PCDH15: variants seen among roughly 807,000 people sequenced by gnomAD.
PCDH15 encodes protocadherin-15.
In PCDH15, 129 loss-of-function variants were observed where a neutral mutation model predicts 178.5. The observed-to-expected ratio is 0.72, with a 90% confidence interval of 0.63 to 0.84. The LOEUF (loss-of-function observed/expected upper bound fraction) is 0.84, where lower values mean the gene tolerates loss of function less well. Among genes scored for constraint, PCDH15 ranks in the 40% least tolerant of loss-of-function variants. The probability of loss-of-function intolerance (pLI) is 0.00; values close to 1 mark genes in which losing one functional copy is unlikely to be tolerated. For missense variants in PCDH15, 2,230 were observed against 2,099.9 expected (o/e 1.06, Z -1.21); for synonymous variants, 800 against 732.0 (o/e 1.09, Z -1.50).
At chr10:54,363,225 C>T (rs191087645) in intron 5 of PCDH15, among the ~76,000 whole-genome samples, 101 of 152,204 alleles carry the variant, frequency 6.6e-4, no homozygotes, top group Middle Eastern at 3.4e-3. Flanking sequence ...AAAGCAAATA[C>T]ATATGCAGTA....
intron 16 of PCDH15, among the ~76,000 whole-genome samples, chr10:54,081,692 G>T (rs548497038): frequency 6.6e-6 from 1 of 152,134 alleles, no homozygotes; most frequent in African/African-American, 2.4e-5. Flanking sequence ...ATCAGGCCAG[G>T]ATACATTGGG....
intron 6 of PCDH15, among the ~76,000 whole-genome samples, chr10:54,345,163 A>G (rs1943036816): frequency 6.6e-6 from 1 of 151,870 alleles, no homozygotes; most frequent in Non-Finnish European, 1.5e-5. Context: ...CAGAGATAAT[A>G]CTACTTTTAA....
At chr10:55,020,889 T>C (rs1471088741) in intron 2 of PCDH15, among the ~76,000 whole-genome samples, 2 of 152,158 alleles carry the variant, frequency 1.3e-5, no homozygotes, top group Admixed American at 6.5e-5. Flanking sequence ...CAAATGCATA[T>C]CTGACTGTAC....
At chr10:55,183,464 G>T (rs939725737) in intron 1 of PCDH15, among the ~76,000 whole-genome samples, 2 of 151,794 alleles carry the variant, frequency 1.3e-5, no homozygotes, top group Non-Finnish European at 2.9e-5. Context: ...CCCAAAATAA[G>T]CTGGTTTTCA....
At chr10:55,135,504 C>G (rs1316941350) in intron 2 of PCDH15, among the ~76,000 whole-genome samples, 1 of 151,612 alleles carries the variant, frequency 6.6e-6, no homozygotes. Flanking sequence ...ATTTTCAGAC[C>G]TGTTTGGGAG....
At chr10:55,607,084 A>G (rs955848841) in intron 2 of PCDH15, among the ~76,000 whole-genome samples, 8 of 152,206 alleles carry the variant, frequency 5.3e-5, no homozygotes, top group South Asian at 2.1e-4. Context: ...AAAAGTGGGC[A>G]AAGGATATGA....
At chr10:54,864,718 A>C (rs973249184) in intron 3 of PCDH15, 1 of 152,176 alleles carries the variant, frequency 6.6e-6, no homozygotes, top group Non-Finnish European at 1.5e-5. Context: ...ACTCATTCAA[A>C]TGATTGGTCT....
intron 8 of PCDH15, among the ~76,000 whole-genome samples, chr10:54,251,514 C>A (rs1390468411): frequency 2.0e-5 from 3 of 152,174 alleles, no homozygotes. Flanking sequence ...GAAGATTTTT[C>A]AAACATGTAA....
At chr10:53,991,864 C>T (rs982701865) in intron 21 of PCDH15, among the ~76,000 whole-genome samples, 3 of 151,700 alleles carry the variant, frequency 2.0e-5, no homozygotes, top group African/African-American at 7.3e-5. Context: ...ATGGACCAAT[C>T]AGCTCTCTGT....
At chr10:54,791,631 A>G (rs1054047913) in intron 1 of PCDH15, among the ~76,000 whole-genome samples, 3 of 151,944 alleles carry the variant, frequency 2.0e-5, no homozygotes, top group Non-Finnish European at 2.9e-5. Context: ...AGCTCATGCT[A>G]ATCTTCCCAT....
chr10:54,335,260 T>C (rs1020616591), intron 6 of PCDH15, among the ~76,000 whole-genome samples: 29 of 152,192 alleles, frequency 1.9e-4, no homozygotes, highest in Non-Finnish European at 5.9e-5. Context: ...TGTTAAAACA[T>C]GTCCCTGGCT....
chr10:54,753,753 C>G (rs1946649203), intron 1 of PCDH15, among the ~76,000 whole-genome samples: 1 of 152,080 alleles, frequency 6.6e-6, no homozygotes, highest in African/African-American at 2.4e-5. Context: ...CCCCTGGTAG[C>G]ACCTTCCTGA....
At chr10:54,830,669 G>T (rs1015810165) in intron 3 of PCDH15, among the ~76,000 whole-genome samples, 1 of 151,136 alleles carries the variant, frequency 6.6e-6, no homozygotes, top group South Asian at 2.1e-4. Context: ...CAACAACATG[G>T]CACATGTATA....
At chr10:54,993,732 A>C (rs1168500406) in intron 2 of PCDH15, among the ~76,000 whole-genome samples, 1 of 152,156 alleles carries the variant, frequency 6.6e-6, no homozygotes, top group Admixed American at 6.5e-5. Flanking sequence ...ATGCTGAGAT[A>C]TCTCTGGAAA....
intron 16 of PCDH15, among the ~76,000 whole-genome samples, chr10:54,086,279 C>CT (rs1167475092): frequency 6.6e-6 from 1 of 152,008 alleles, no homozygotes; most frequent in African/African-American, 2.4e-5. Flanking sequence ...GTGCCAGGCT[C>CT]CTTTTTTACA....
chr10:53,972,766 G>T (rs1364101654), intron 21 of PCDH15, among the ~76,000 whole-genome samples: 1 of 152,114 alleles, frequency 6.6e-6, no homozygotes, highest in Non-Finnish European at 1.5e-5. Flanking sequence ...AGTTAGAATG[G>T]TGATCATTAA....
chr10:54,505,824 G>A (rs1041961385), intron 3 of PCDH15, among the ~76,000 whole-genome samples: 1 of 152,076 alleles, frequency 6.6e-6, no homozygotes, highest in African/African-American at 2.4e-5. Context: ...GACGTTTTGT[G>A]TGTTTAAATT....
intron 2 of PCDH15, among the ~76,000 whole-genome samples, chr10:55,577,364 A>G (rs1031232185): frequency 6.6e-6 from 1 of 152,194 alleles, no homozygotes; most frequent in Non-Finnish European, 1.5e-5. Flanking sequence ...AAATTTTTAG[A>G]TCTTTACATT....
intron 3 of PCDH15, among the ~76,000 whole-genome samples, chr10:54,850,935 C>T (rs1170363284): frequency 6.6e-6 from 1 of 152,100 alleles, no homozygotes; most frequent in Non-Finnish European, 1.5e-5. Flanking sequence ...TGGCAGTTGA[C>T]TGTAGAGGGC....
Sources: allele counts gnomAD v4.1 joint callset (sites outside exome capture counted in the v4.1 genomes callset), GRCh38; gene constraint gnomAD v4.1.1; transcripts MANE v1.5; gene names NCBI Gene and HGNC (gene_info 2026-07-23, HGNC 2026-07-21).